Variants in NLRP3 observed in about 807,000 individuals in gnomAD.
The protein encoded by NLRP3 is NACHT, LRR and PYD domains-containing protein 3.
NLRP3 carries 48 observed loss-of-function variants against 91.3 expected under a neutral mutation model. The observed-to-expected ratio is 0.53, with a 90% CI of 0.42 to 0.67. The LOEUF (loss-of-function observed/expected upper bound fraction) is 0.67, where lower values mean the gene tolerates loss of function less well. NLRP3 is among the 30% of genes least tolerant of loss of function. NLRP3 has a pLI of 0.00. For missense variants in NLRP3, 982 were observed against 1,276.9 expected, an observed-to-expected ratio of 0.77 and a Z score of 3.52; for synonymous variants, 561 against 507.9, an observed-to-expected ratio of 1.10 and a Z score of -1.41.
chr1:247,422,564 T>A (rs1055132513), intron 2 of NLRP3, among the ~76,000 whole-genome samples: 10 of 152,138 alleles, frequency 6.6e-5, no homozygotes, highest in Non-Finnish European at 2.9e-5. Context: ...CAGATGCATG[T>A]TGGAATCACC....
intron 9 of NLRP3, among the ~76,000 whole-genome samples, chr1:247,446,687 C>A (rs924593387): frequency 7.3e-6 from 1 of 137,702 alleles, no homozygotes; most frequent in East Asian, 2.2e-4. Flanking sequence ...AGCACTTTTT[C>A]TTCTCTTCTC....
chr1:247,437,782 G>A (rs772005369), intron 7 of NLRP3, among the ~76,000 whole-genome samples: 13 of 152,344 alleles, frequency 8.5e-5, no homozygotes, highest in Non-Finnish European at 1.6e-4. Context: ...CTGGAGTGAC[G>A]GCGAGGGGTG....
Position 247,424,067 on chromosome 1 carries a change from G to C in NLRP3, c.618G>C (p.Leu206=). The stretch of plus-strand genomic sequence containing the variant: ...TGAGTCCCATTAAGATGGAGTTGCT[G>C]TTTGACCCCGATGATGAGCATTCTG... The part of the protein sequence containing the change: ...SPVSPIKMEL[L]FDPDDEHSEP... The change falls in exon 4 of 10, where the codon CTG becomes CTC. Residue 206 remains leucine, a synonymous_variant. Coordinates refer to ENST00000336119, the MANE Select transcript of NLRP3 (RefSeq NM_001243133.2). This position sits in a 1 kb window ranked among gnomAD's most constrained non-coding sequence, Gnocchi z 8.1. The C allele has an allele frequency of 6.2e-7, 1 of 1,614,094 alleles. No individual in the cohort carries two copies. Among genetic ancestry groups the C allele is most frequent in the Non-Finnish European group, 8.5e-7 (1 of 1,180,020 alleles).
chr1:247,430,365 G>T (rs767779366), intron 5 of NLRP3, among the ~76,000 whole-genome samples: 4 of 152,138 alleles, frequency 2.6e-5, no homozygotes, highest in Admixed American at 6.5e-5. Flanking sequence ...TCTTGCCTTG[G>T]GGGGAAGAGT....
intron 7 of NLRP3, among the ~76,000 whole-genome samples, chr1:247,441,386 G>A (rs1284584988): frequency 1.3e-5 from 2 of 151,912 alleles, no homozygotes; most frequent in South Asian, 2.1e-4. Context: ...GACTACAGGT[G>A]TGTACTACCA....
chr1:247,443,560 TA>T (rs75792988), intron 7 of NLRP3, among the ~76,000 whole-genome samples: 2,385 of 122,910 alleles, frequency 0.019, 43 homozygotes, highest in African/African-American at 0.052. Flanking sequence ...CTGTCTCTCT[TA>T]AAAAAAAAAA....
At chr1:247,432,359 T>C (rs1644217142) in intron 5 of NLRP3, among the ~76,000 whole-genome samples, 1 of 151,646 alleles carries the variant, frequency 6.6e-6, no homozygotes, top group African/African-American at 2.4e-5. Flanking sequence ...TATTTGACTC[T>C]GTTTCTGAGT....
intron 9 of NLRP3, 110 bp from the exon 10 acceptor site, chr1:247,448,295 T>G: frequency 1.5e-6 from 1 of 650,442 alleles, no homozygotes; most frequent in Non-Finnish European, 2.8e-6. Flanking sequence ...TTTTTTACAT[T>G]TTAGAAGTGT....
chr1:247,416,783 T>A (rs1367099974), intron 1 of NLRP3, among the ~76,000 whole-genome samples: 1 of 152,034 alleles, frequency 6.6e-6, no homozygotes, highest in Admixed American at 6.6e-5. Flanking sequence ...GAGGAGTAGA[T>A]AGGCAGGAAT....
At chr1:247,436,259 A>G in intron 7 of NLRP3, 119 bp downstream of exon 7, 1 of 908,356 alleles carries the variant, frequency 1.1e-6, no homozygotes, top group Non-Finnish European at 1.8e-6. Flanking sequence ...AAGGAGGTAA[A>G]AACATCAGAA....
chr1:247,426,433 C>T (rs557042551), intron 4 of NLRP3, among the ~76,000 whole-genome samples: 2 of 152,180 alleles, frequency 1.3e-5, no homozygotes, highest in Non-Finnish European at 2.9e-5. Flanking sequence ...GGACCACCCA[C>T]AGTGGTTGTA....
rs902702898 is a variant in NLRP3 at position 247,425,721 on chromosome 1, T to C, written c.2150+122T>C. ...TACTGTTGCCACAGCTACATCATAATGCCACCACTGTCTGTTTGAGACTCC... is the reference window on the plus strand; with the variant it reads ...TACTGTTGCCACAGCTACATCATAACGCCACCACTGTCTGTTTGAGACTCC... On this transcript the variant is annotated intron_variant, in intron 4 of 9. Coordinates refer to ENST00000336119, the MANE Select transcript of NLRP3 (RefSeq NM_001243133.2). This position sits in a 1 kb window ranked among gnomAD's most constrained non-coding sequence, Gnocchi z 4.1. The C allele has an allele frequency of 1.3e-5, 11 of 879,566 alleles. No homozygotes were observed. In the African/African-American group the frequency reaches 1.8e-4, roughly 15 times the overall value. 54.5% of individuals were successfully genotyped at this position (879,566 alleles called of 1,614,324 possible). A position where few individuals can be genotyped will look rare whatever the true frequency, so the allele number is the denominator to read the frequency against.
chr1:247,448,594 A>G lies in NLRP3; in HGVS notation c.*90A>G, dbSNP rs1277323333. On this transcript the variant is annotated 3_prime_UTR_variant, in exon 10 of 10. Transcript: ENST00000336119. ...GAGAGAGCTGCGATCCATCCAGGCC[A>G]AGACCACAGCTCTGTGATCCTTCCG... 25 of 811,118 alleles carry G rather than the reference A, an allele frequency of 3.1e-5. No individual in the cohort carries two copies. The Admixed American group carries it at 3.2e-4, about 10-fold the overall frequency. The allele number at this position is 811,118 out of a possible 1,614,324, so 50.2% of individuals were successfully genotyped here.
At chr1:247,431,109 G>A (rs999899785) in intron 5 of NLRP3, among the ~76,000 whole-genome samples, 16 of 151,980 alleles carry the variant, frequency 1.1e-4, no homozygotes, top group Non-Finnish European at 2.4e-4. Context: ...GTGTGTACCC[G>A]GGAGGCGGAG....
rs185799576 is a variant in NLRP3, at chr1:247,431,836, G to A, written c.2321+2081G>A. Among the ~76,000 whole-genome samples, 83 of 152,272 alleles carry A rather than the reference G, an allele frequency of 5.5e-4. 3 individuals carry two copies. In the East Asian group the frequency reaches 0.016, roughly 29 times the overall value. On this transcript the variant is annotated intron_variant, in intron 5 of 9. Transcript: ENST00000336119. ...ATTTATTTTTGTAGATGTAGGGGGC[G>A]CAAGAGCAGCTTTGTTTCATGGATA...
chr1:247,448,268 CTTTTTTTTTT>C, intron 9 of NLRP3, 127 bp from the exon 10 acceptor site: 1 of 357,900 alleles, frequency 2.8e-6, no homozygotes, highest in South Asian at 2.0e-5. Flanking sequence ...TGTGGTCCCT[CTTTTTTTTTT>C]TTTTTTTTTT....
In NLRP3 at chr1:247,418,352, A is replaced by G. The variant is rs1019897478; in HGVS notation, c.-449A>G. The G allele has an allele frequency of 1.3e-5, 3 of 231,484 alleles. No homozygotes were observed. Among genetic ancestry groups the G allele is most frequent in the African/African-American group, 7.0e-5 (3 of 43,020 alleles). 14.3% of individuals were successfully genotyped at this position (231,484 alleles called of 1,614,324 possible). ...AGTCTTGCTGTGTCGCCTAGGCTGGAGTGCAGTGGCGTGATCTTGGCTCAC... is the reference window on the plus strand; with the variant it reads ...AGTCTTGCTGTGTCGCCTAGGCTGGGGTGCAGTGGCGTGATCTTGGCTCAC... On this transcript the variant is annotated 5_prime_UTR_variant, in exon 2 of 10. Transcript: ENST00000336119.
At chr1:247,443,810 C>T (rs1210642946) in intron 7 of NLRP3, 162 bp from the exon 8 acceptor site, 2 of 692,182 alleles carry the variant, frequency 2.9e-6, no homozygotes, top group African/African-American at 1.8e-5. Flanking sequence ...CAGCCAGAGA[C>T]AGCAGGTCTT....
At chr1:247,438,584 A>C (rs56015600) in intron 7 of NLRP3, among the ~76,000 whole-genome samples, 6 of 151,830 alleles carry the variant, frequency 4.0e-5, no homozygotes, top group African/African-American at 1.5e-4. Flanking sequence ...GGGTTTCACC[A>C]TGTTTGCCAG....
Sources: allele counts gnomAD v4.1 joint callset (sites outside exome capture counted in the v4.1 genomes callset), GRCh38; gene constraint gnomAD v4.1.1; non-coding constraint Gnocchi (gnomAD v3.1); transcripts MANE v1.5; gene names NCBI Gene and HGNC (gene_info 2026-07-23, HGNC 2026-07-21).